SLC8A3: variants seen among roughly 807,000 people sequenced by gnomAD.
SLC8A3 encodes the protein solute carrier family 8 member A3.
A neutral mutation model predicts 65.4 loss-of-function variants in SLC8A3; 37 were observed. The ratio of observed to expected loss-of-function variants is 0.57; its 90% CI spans 0.44 to 0.74. The LOEUF (loss-of-function observed/expected upper bound fraction) is 0.74, where lower values mean the gene tolerates loss of function less well. SLC8A3 is among the 30% of genes least tolerant of loss of function. SLC8A3 has a pLI of 0.00. For missense variants in SLC8A3, 1,112 were observed against 1,172.1 expected (o/e 0.95, Z 0.75); for synonymous variants, 461 against 444.5 (o/e 1.04, Z -0.47).
chr14:70,150,755 T>A (rs2140305019), intron 2 of SLC8A3, among the ~76,000 whole-genome samples: 1 of 152,274 alleles, frequency 6.6e-6, no homozygotes, highest in Admixed American at 6.5e-5. Flanking sequence ...AGGACAAGCT[T>A]TAAGGCACCG....
At position 70,188,782 on chromosome 14, in the gene SLC8A3, A is replaced by T. The variant is rs1883574345; in HGVS notation, c.-466T>A. ...GGGGATTCCTGCAGGAAGGGGCAGG[A>T]AGGCAAGCAGCCCGGCGCGCCCTGG... On this transcript the variant is annotated 5_prime_UTR_variant, in exon 1 of 7. Coordinates refer to ENST00000356921, the MANE Select transcript of SLC8A3 (RefSeq NM_182932.3). The T allele has an allele frequency of 2.0e-5, 3 of 151,970 alleles. No homozygotes were observed. In the South Asian group the frequency reaches 6.2e-4, roughly 32 times the overall value. The allele number at this position is 151,970 out of a possible 1,614,324, so 9.4% of individuals were successfully genotyped here. A position where few individuals can be genotyped will look rare whatever the true frequency, so the allele number is the denominator to read the frequency against.
chr14:70,045,759 T>G lies in SLC8A3; in HGVS notation c.*188A>C. ...CTGTGTAAAGTCGGTGATTCCTCCATTGTTTGATTGATTAAGACTTTGCCC... is the reference window on the plus strand; with the variant it reads ...CTGTGTAAAGTCGGTGATTCCTCCAGTGTTTGATTGATTAAGACTTTGCCC... On this transcript the variant is annotated 3_prime_UTR_variant, in exon 7 of 7. Transcript: ENST00000356921. The G allele has an allele frequency of 1.1e-5, 6 of 534,330 alleles. No homozygotes were observed. Among genetic ancestry groups the G allele is most frequent in the Non-Finnish European group, 2.0e-5 (6 of 302,118 alleles). 33.1% of individuals were successfully genotyped at this position (534,330 alleles called of 1,614,324 possible).
At chr14:70,161,987 C>G (rs1238973039) in intron 2 of SLC8A3, among the ~76,000 whole-genome samples, 1 of 152,216 alleles carries the variant, frequency 6.6e-6, no homozygotes, top group East Asian at 1.9e-4. Flanking sequence ...TCCAACTATG[C>G]CTGTCACCTT....
chr14:70,084,660 A>G (rs950312126), intron 2 of SLC8A3, among the ~76,000 whole-genome samples: 3 of 152,312 alleles, frequency 2.0e-5, no homozygotes, highest in African/African-American at 7.2e-5. Context: ...ACATTAAGAG[A>G]AGGGAAAATT....
chr14:70,123,575 G>T (rs1345020234), intron 2 of SLC8A3, among the ~76,000 whole-genome samples: 1 of 151,266 alleles, frequency 6.6e-6, no homozygotes, highest in Non-Finnish European at 1.5e-5. Flanking sequence ...TCAGCCTCCC[G>T]AGTAGCTAGG....
intron 2 of SLC8A3, among the ~76,000 whole-genome samples, chr14:70,118,506 T>C (rs1267785947): frequency 6.6e-6 from 1 of 152,216 alleles, no homozygotes; most frequent in Non-Finnish European, 1.5e-5. Context: ...TAAGCTCAAG[T>C]CTCTATTTAT....
intron 1 of SLC8A3, among the ~76,000 whole-genome samples, chr14:70,170,422 T>A (rs1897453316): frequency 6.6e-6 from 1 of 152,192 alleles, no homozygotes; most frequent in Admixed American, 6.5e-5. Context: ...ATGCTTTAGA[T>A]CTCATCCAAT....
intron 3 of SLC8A3, among the ~76,000 whole-genome samples, chr14:70,056,570 T>A (rs1483356937): frequency 6.6e-6 from 1 of 152,252 alleles, no homozygotes; most frequent in East Asian, 1.9e-4. Flanking sequence ...TCACCTCTGC[T>A]TAGCAAAGTC....
intron 2 of SLC8A3, among the ~76,000 whole-genome samples, chr14:70,116,039 G>A (rs1284968917): frequency 1.3e-5 from 2 of 152,240 alleles, no homozygotes. Flanking sequence ...GGAATGCCTA[G>A]GCTTTTATTT....
intron 1 of SLC8A3, among the ~76,000 whole-genome samples, chr14:70,175,009 T>A (rs1375688280): frequency 6.6e-6 from 1 of 152,130 alleles, no homozygotes; most frequent in Non-Finnish European, 1.5e-5. Flanking sequence ...AATTGTCATA[T>A]TTTGCCTTCT....
chr14:70,096,217 TA>T (rs1892168672), intron 2 of SLC8A3, among the ~76,000 whole-genome samples: 1 of 152,172 alleles, frequency 6.6e-6, no homozygotes, highest in Admixed American at 6.5e-5. Flanking sequence ...TATAGATATA[TA>T]AAAGGTGCCT....
chr14:70,071,710 C>T (rs1020750082), intron 2 of SLC8A3, among the ~76,000 whole-genome samples: 10 of 152,218 alleles, frequency 6.6e-5, no homozygotes, highest in African/African-American at 2.4e-4. Context: ...GCCTGGACTT[C>T]TGAGATACAG....
intron 2 of SLC8A3, among the ~76,000 whole-genome samples, chr14:70,140,359 C>T (rs1200185048): frequency 6.6e-6 from 1 of 152,156 alleles, no homozygotes; most frequent in Non-Finnish European, 1.5e-5. Context: ...TATATACAAC[C>T]TTCATTGAAC....
intron 2 of SLC8A3, among the ~76,000 whole-genome samples, chr14:70,124,248 T>C (rs1894285282): frequency 6.6e-6 from 1 of 152,238 alleles, no homozygotes. Flanking sequence ...GGGTGAAATG[T>C]CTGGACACCA....
chr14:70,140,555 C>T (rs1895497926), intron 2 of SLC8A3, among the ~76,000 whole-genome samples: 1 of 152,210 alleles, frequency 6.6e-6, no homozygotes, highest in African/African-American at 2.4e-5. Context: ...CTCCACCTCA[C>T]ACCTTGGGAT....
intron 4 of SLC8A3, among the ~76,000 whole-genome samples, chr14:70,051,377 C>G (rs1259263325): frequency 6.6e-6 from 1 of 152,184 alleles, no homozygotes; most frequent in African/African-American, 2.4e-5. Context: ...ATTGCAACCT[C>G]AACCTCCTGG....
At chr14:70,047,591 T>C (rs1886942698) in intron 6 of SLC8A3, 1 of 152,280 alleles carries the variant, frequency 6.6e-6, no homozygotes, top group Non-Finnish European at 1.5e-5. Flanking sequence ...GCTGGGGTTT[T>C]GGAAAGAGGT....
intron 3 of SLC8A3, among the ~76,000 whole-genome samples, chr14:70,053,203 C>T (rs1887696575): frequency 6.6e-6 from 1 of 152,188 alleles, no homozygotes; most frequent in African/African-American, 2.4e-5. Context: ...GCTGTCCTTC[C>T]TCTAGTGCTG....
At chr14:70,166,113 G>A (rs886484212) in intron 2 of SLC8A3, among the ~76,000 whole-genome samples, 40 of 152,330 alleles carry the variant, frequency 2.6e-4, no homozygotes, top group African/African-American at 8.9e-4. Context: ...AGACGTGCCT[G>A]GAATCTGGTT....
Sources: allele counts gnomAD v4.1 joint callset (sites outside exome capture counted in the v4.1 genomes callset), GRCh38; gene constraint gnomAD v4.1.1; transcripts MANE v1.5; gene names NCBI Gene and HGNC (gene_info 2026-07-23, HGNC 2026-07-21).